The following ERV3-1 variants were observed in gnomAD, a reference collection of about 807,000 sequenced individuals.
ERV3-1 encodes endogenous retrovirus group 3 member 1, envelope.
Under a neutral mutation model 24.6 loss-of-function variants are expected in ERV3-1, and 36 were observed. That is an observed-to-expected ratio of 1.47 (90% CI 1.12 to 1.94). The LOEUF is 1.94. Ranked by LOEUF, ERV3-1 falls within the 30% of genes most tolerant of loss-of-function variation. The pLI is 0.00. For missense variants in ERV3-1, 578 were observed against 330.9 expected (o/e 1.75, Z -5.79); for synonymous variants, 211 against 122.6 (o/e 1.72, Z -4.76).
rs368656306 is a variant in ERV3-1, at chr7:64,997,516, T to C, written c.-388-4102A>G. On this transcript the variant is annotated intron_variant, in intron 1 of 1. Coordinates refer to ENST00000394323, the MANE Select transcript of ERV3-1 (RefSeq NM_001007253.4). ...GATTTTCCCCGTGTTGACTGCCTTTTTCCCACCTTCCTTTAGCCCTTGCAG... is the reference window on the plus strand; with the variant it reads ...GATTTTCCCCGTGTTGACTGCCTTTCTCCCACCTTCCTTTAGCCCTTGCAG... Among the ~76,000 whole-genome samples, 16 of 152,282 alleles carry C rather than the reference T, an allele frequency of 1.1e-4. No homozygotes were observed. The East Asian group carries it at 2.3e-3, about 22-fold the overall frequency.
intron 1 of ERV3-1, among the ~76,000 whole-genome samples, chr7:65,001,997 A>G (rs1039080061): frequency 6.6e-6 from 1 of 152,230 alleles, no homozygotes; most frequent in Non-Finnish European, 1.5e-5. Context: ...AGCTGCTCAC[A>G]GAACTCAGCA....
chr7:64,996,863 A>C (rs1332708479), intron 1 of ERV3-1, among the ~76,000 whole-genome samples: 1 of 152,122 alleles, frequency 6.6e-6, no homozygotes. Flanking sequence ...TTCTAATGTG[A>C]CCATGGGCTC....
At chr7:65,006,377 T>C (rs1303054586) in intron 1 of ERV3-1, 164 bp downstream of exon 1, 1 of 1,203,168 alleles carries the variant, frequency 8.3e-7, no homozygotes, top group Non-Finnish European at 1.2e-6. Flanking sequence ...CCGGCCGCCA[T>C]CCTATGGCTG....
intron 1 of ERV3-1, among the ~76,000 whole-genome samples, chr7:65,000,370 C>T (rs1387690362): frequency 1.3e-5 from 2 of 150,256 alleles, no homozygotes; most frequent in African/African-American, 4.9e-5. Flanking sequence ...CTACAGGTGC[C>T]CACCACCACG....
chr7:65,005,880 G>C (rs1480857061), intron 1 of ERV3-1, among the ~76,000 whole-genome samples: 5 of 152,158 alleles, frequency 3.3e-5, no homozygotes, highest in African/African-American at 1.2e-4. Context: ...ATAAAATTCA[G>C]GCTTAACCAA....
In ERV3-1 at chr7:64,992,125, C is replaced by A; in HGVS notation, c.902G>T (p.Gly301Val). Residue 301 changes from glycine to valine, a missense_variant, in exon 2 of 2, where the codon GGA becomes GTA. Physicochemically the swap from Gly to Val is moderately radical, Grantham distance 109. Transcript: ENST00000394323. Reference sequence around the variant, plus strand: ...CCTTGCTTCCCATGGCCATTGGTCTCCCATGTTCATTCCCCCACAGACATA... The same window carrying A: ...CCTTGCTTCCCATGGCCATTGGTCTACCATGTTCATTCCCCCACAGACATA... Reference protein sequence around the residue: ...SCYVCGGMNMGDQWPWEAREL... With the variant: ...SCYVCGGMNMVDQWPWEAREL... 1 of 766,364 alleles carries A rather than the reference C, an allele frequency of 1.3e-6. No homozygotes were observed. The highest frequency in any genetic ancestry group is 2.4e-6 in the Non-Finnish European group (1 of 417,906). The allele number at this position is 766,364 out of a possible 1,614,324, so 47.5% of individuals were successfully genotyped here.
At chr7:64,993,704 C>T (rs537151419) in intron 1 of ERV3-1, among the ~76,000 whole-genome samples, 6 of 152,174 alleles carry the variant, frequency 3.9e-5, no homozygotes, top group East Asian at 1.9e-4. Context: ...TTTCATAGGG[C>T]GAATACCCAG....
At position 64,991,061 on chromosome 7, in the gene ERV3-1, G is replaced by C. The variant is rs1263614908; in HGVS notation, c.*151C>G. Reference sequence around the variant, plus strand: ...CGTGTGGTAGTCCGTCTGTCCACAAGAGCCTCTATGGCTGTTTGGATATTT... The same window carrying C: ...CGTGTGGTAGTCCGTCTGTCCACAACAGCCTCTATGGCTGTTTGGATATTT... On this transcript the variant is annotated 3_prime_UTR_variant, in exon 2 of 2. Transcript: ENST00000394323. The C allele has an allele frequency of 1.7e-6, 1 of 572,456 alleles. No individual in the cohort carries two copies. Among genetic ancestry groups the C allele is most frequent in the Non-Finnish European group, 3.1e-6 (1 of 322,382 alleles). 35.5% of individuals were successfully genotyped at this position (572,456 alleles called of 1,614,324 possible).
intron 1 of ERV3-1, among the ~76,000 whole-genome samples, chr7:64,994,278 T>C (rs1786353776): frequency 1.3e-5 from 2 of 152,096 alleles, no homozygotes; most frequent in Non-Finnish European, 1.5e-5. Flanking sequence ...CCTAGTAGCG[T>C]TTCTAGTGCT....
chr7:64,998,797 A>G (rs938289463), intron 1 of ERV3-1, among the ~76,000 whole-genome samples: 4 of 151,884 alleles, frequency 2.6e-5, no homozygotes, highest in African/African-American at 7.3e-5. Flanking sequence ...GATGTTTGCC[A>G]CTAGTCTCGG....
chr7:64,991,520 A>T lies in ERV3-1; in HGVS notation c.1507T>A (p.Trp503Arg), dbSNP rs372055641. ...ATGTAAACTGGGGTGCGGTATCCCC[A>T]CATTCCATCTTCTGCCCAGGTGGCT... ...GPATWAEDGM[W>R]GYRTPVYMLN... The change falls in exon 2 of 2, where the codon TGG (tryptophan) becomes AGG (arginine). Residue 503 changes from tryptophan (W) to arginine (R), a missense_variant. Transcript: ENST00000394323. The T allele has an allele frequency of 7.1e-6, 5 of 704,046 alleles. No individual in the cohort carries two copies. The African/African-American group carries it at 8.7e-5, about 12-fold the overall frequency. 43.6% of individuals were successfully genotyped at this position (704,046 alleles called of 1,614,324 possible).
chr7:64,993,592 C>T (rs1162892540), intron 1 of ERV3-1, among the ~76,000 whole-genome samples, 178 bp from the exon 2 acceptor site: 3 of 152,188 alleles, frequency 2.0e-5, no homozygotes, highest in Non-Finnish European at 4.4e-5. Context: ...CTTCACATGG[C>T]TATCCCTAAA....
intron 1 of ERV3-1, among the ~76,000 whole-genome samples, chr7:64,998,013 C>A (rs766020015): frequency 2.0e-5 from 3 of 152,176 alleles, no homozygotes; most frequent in Non-Finnish European, 4.4e-5. Flanking sequence ...GCTTGATCAT[C>A]CTGACTTTCC....
At chr7:65,004,482 G>A (rs1786594438) in intron 1 of ERV3-1, 2 of 152,174 alleles carry the variant, frequency 1.3e-5, no homozygotes, top group Admixed American at 6.5e-5. Flanking sequence ...CCTTAAATGA[G>A]TATTCTTAAG....
At chr7:64,998,265 G>A (rs754189305) in intron 1 of ERV3-1, among the ~76,000 whole-genome samples, 23 of 152,164 alleles carry the variant, frequency 1.5e-4, no homozygotes, top group Non-Finnish European at 2.9e-4. Context: ...GGCTTGGCTC[G>A]AGCTATGAGC....
Position 64,993,140 on chromosome 7 carries a change from A to G in ERV3-1, c.-114T>C. The stretch of plus-strand genomic sequence containing the variant: ...GGACTTCAGATTTCTAACCACATTT[A>G]CTTCCCTGATGATGACTCAAGCTTC... On this transcript the variant is annotated 5_prime_UTR_variant, in exon 2 of 2. Coordinates refer to ENST00000394323, the MANE Select transcript of ERV3-1 (RefSeq NM_001007253.4). 3.3e-6 allele frequency: 2 copies of G among 607,428 alleles called. No individual in the cohort carries two copies. Among genetic ancestry groups the G allele is most frequent in the Non-Finnish European group, 5.9e-6 (2 of 340,556 alleles). 37.6% of individuals were successfully genotyped at this position (607,428 alleles called of 1,614,324 possible).
Position 65,006,658 on chromosome 7 carries a change from A to C in ERV3-1, c.-506T>G. 6.6e-7 allele frequency: 1 copy of C among 1,513,608 alleles called. No homozygotes were observed. The highest frequency in any genetic ancestry group is 9.1e-7 in the Non-Finnish European group (1 of 1,093,016). 93.8% of individuals were successfully genotyped at this position (1,513,608 alleles called of 1,614,324 possible). On this transcript the variant is annotated 5_prime_UTR_variant, in exon 1 of 2. Coordinates refer to ENST00000394323, the MANE Select transcript of ERV3-1 (RefSeq NM_001007253.4). ...CAGAAGACACAGAGCAGTGAAGACT[A>C]CACCAGAAGCTCCGGCTGCCGCCAG... is the stretch of plus-strand genomic sequence containing the variant.
At position 65,006,573 on chromosome 7, in the gene ERV3-1, T is replaced by C; in HGVS notation, c.-421A>G. The C allele has an allele frequency of 6.3e-7, 1 of 1,575,190 alleles. No homozygotes were observed. The stretch of plus-strand genomic sequence containing the variant: ...AGGCTTCCAGTGGGTCCTGGCGTCT[T>C]AGCTGTGGATCTCCCAATACCTGCA... On this transcript the variant is annotated 5_prime_UTR_variant, in exon 1 of 2. Coordinates refer to ENST00000394323, the MANE Select transcript of ERV3-1 (RefSeq NM_001007253.4).
rs531242400 is a variant in ERV3-1, at chr7:65,002,524, C to T, written c.-389+4017G>A. On this transcript the variant is annotated intron_variant, in intron 1 of 1. Coordinates refer to ENST00000394323, the MANE Select transcript of ERV3-1 (RefSeq NM_001007253.4). ...TTTTTTTTTAGTAGAGATGGGGTTTCGTCATGTTGGCCAGGCTGGTCTCGA... is the reference window on the plus strand; with the variant it reads ...TTTTTTTTTAGTAGAGATGGGGTTTTGTCATGTTGGCCAGGCTGGTCTCGA... Among the ~76,000 whole-genome samples the T allele has an allele frequency of 9.8e-4, 149 of 152,124 alleles. 1 individual carries two copies. Among genetic ancestry groups the T allele is most frequent in the African/African-American group, 2.9e-3 (121 of 41,500 alleles).
Sources: gnomAD v4.1 joint callset for allele counts (sites outside exome capture counted in the v4.1 genomes callset) on GRCh38, gnomAD v4.1.1 for gene constraint, MANE v1.5 for transcripts, NCBI Gene and HGNC (gene_info 2026-07-23, HGNC 2026-07-21) for gene names.